LRRTM3: variants seen among roughly 807,000 people sequenced by gnomAD.
LRRTM3 encodes leucine-rich repeat transmembrane neuronal protein 3.
In LRRTM3, 24 loss-of-function variants were observed where a neutral mutation model predicts 44.7. That is an observed-to-expected ratio of 0.54 (90% confidence interval 0.39 to 0.76). The LOEUF is 0.76. Ranked by LOEUF, LRRTM3 falls within the 30% of genes least tolerant of loss-of-function variation. The probability of loss-of-function intolerance (pLI) is 0.00; values close to 1 mark genes in which losing one functional copy is unlikely to be tolerated. For missense variants in LRRTM3, 587 were observed against 702.2 expected, an observed-to-expected ratio of 0.84 and a Z score of 1.85; for synonymous variants, 277 against 278.7, an observed-to-expected ratio of 0.99 and a Z score of 0.06.
intron 2 of LRRTM3, among the ~76,000 whole-genome samples, chr10:66,967,104 G>A (rs955366086): frequency 3.9e-5 from 6 of 152,040 alleles, no homozygotes; most frequent in African/African-American, 7.2e-5. Context: ...CATTAGGAAC[G>A]TTGATGGTTC....
chr10:67,053,107 T>C (rs74141775), intron 2 of LRRTM3, among the ~76,000 whole-genome samples: 1,909 of 152,298 alleles, frequency 0.013, 47 homozygotes, highest in African/African-American at 0.044. Context: ...TAATACTGCT[T>C]TGTAATGGTA....
intron 2 of LRRTM3, among the ~76,000 whole-genome samples, chr10:66,946,861 G>T (rs1848299346): frequency 6.6e-6 from 1 of 151,926 alleles, no homozygotes; most frequent in Admixed American, 6.6e-5. Context: ...CTTTTTTCAT[G>T]TATTCCACAG....
At chr10:67,062,971 T>G (rs1281362531) in intron 2 of LRRTM3, among the ~76,000 whole-genome samples, 1 of 151,948 alleles carries the variant, frequency 6.6e-6, no homozygotes, top group African/African-American at 2.4e-5. Flanking sequence ...GTTAATCGTT[T>G]TGTTTTTTTT....
intron 2 of LRRTM3, among the ~76,000 whole-genome samples, chr10:67,024,244 C>G (rs1853209025): frequency 6.6e-6 from 1 of 152,178 alleles, no homozygotes; most frequent in South Asian, 2.1e-4. Flanking sequence ...AAATTTTTCT[C>G]CTCTCTAGCT....
chr10:67,015,291 A>G (rs1182492678), intron 2 of LRRTM3: 1 of 152,194 alleles, frequency 6.6e-6, no homozygotes, highest in Non-Finnish European at 1.5e-5. Context: ...GATGCTAACC[A>G]TCTTAAATCA....
intron 2 of LRRTM3, among the ~76,000 whole-genome samples, chr10:66,977,643 T>C (rs934318681): frequency 6.6e-6 from 1 of 152,204 alleles, no homozygotes; most frequent in Non-Finnish European, 1.5e-5. Context: ...AATTTGTAGA[T>C]GTAAGCTGGG....
At chr10:67,050,447 G>GA (rs911296774) in intron 2 of LRRTM3, among the ~76,000 whole-genome samples, 4 of 150,934 alleles carry the variant, frequency 2.7e-5, no homozygotes, top group Admixed American at 6.6e-5. Context: ...TATTAGAAAA[G>GA]AAAAAAAAAG....
intron 2 of LRRTM3, among the ~76,000 whole-genome samples, chr10:66,996,516 C>T (rs1664146352): frequency 6.6e-6 from 1 of 151,708 alleles, no homozygotes; most frequent in Non-Finnish European, 1.5e-5. Context: ...GGCGTGGTGG[C>T]GCGTGCCTGT....
At position 66,936,894 on chromosome 10, in the gene LRRTM3, A is replaced by C. The variant is rs1470698518; in HGVS notation, c.1536+8442A>C. 2.0e-5 allele frequency among the ~76,000 whole-genome samples: 3 copies of C among 152,220 alleles called. No individual in the cohort carries two copies. In the East Asian group the frequency reaches 5.8e-4, roughly 29 times the overall value. On this transcript the variant is annotated intron_variant, in intron 2 of 2. Transcript: ENST00000361320. ...ATGAAAGTCTTCAGCTAAAGGTAAG[A>C]AAGTTATATATTAAGAGCAGGCATA...
At chr10:66,993,200 T>C (rs1437369177) in intron 2 of LRRTM3, among the ~76,000 whole-genome samples, 2 of 152,110 alleles carry the variant, frequency 1.3e-5, no homozygotes, top group African/African-American at 4.8e-5. Flanking sequence ...TTTTTCTCCA[T>C]GTGGGTATCT....
At chr10:66,941,208 G>A (rs1364791256) in intron 2 of LRRTM3, among the ~76,000 whole-genome samples, 1 of 152,188 alleles carries the variant, frequency 6.6e-6, no homozygotes, top group Non-Finnish European at 1.5e-5. Context: ...CTTAGAGCCT[G>A]CAGCTGAATG....
intron 2 of LRRTM3, among the ~76,000 whole-genome samples, chr10:67,061,160 G>A (rs1409901988): frequency 6.6e-6 from 1 of 152,162 alleles, no homozygotes; most frequent in African/African-American, 2.4e-5. Context: ...CTTTGAGAGA[G>A]TTATCACCTT....
intron 2 of LRRTM3, among the ~76,000 whole-genome samples, chr10:66,955,340 C>T (rs1228181337): frequency 2.0e-5 from 3 of 152,134 alleles, no homozygotes; most frequent in African/African-American, 7.2e-5. Context: ...TTACTGATTA[C>T]TCACTATGTA....
At chr10:67,015,740 A>AT (rs1489058859) in intron 2 of LRRTM3, among the ~76,000 whole-genome samples, 1 of 151,634 alleles carries the variant, frequency 6.6e-6, no homozygotes, top group African/African-American at 2.4e-5. Flanking sequence ...TTATTGATTC[A>AT]TTTTTTTCTG....
In LRRTM3 at chr10:67,097,680, T is replaced by C. The variant is rs1350326472; in HGVS notation, c.1630T>C (p.Ser544Pro). The change falls in exon 3 of 3, where the codon TCC becomes CCC. Residue 544 changes from serine to proline, a missense_variant. By Grantham distance (74) the Ser-to-Pro change is moderately conservative (BLOSUM62 -1). Transcript: ENST00000361320. ...GCATCATGAACTTCTCTCCCATAAG[T>C]CCTTTGAAACGAATGCACAGGAAGA... ...GVHHELLSHK[S>P]FETNAQEDTM... 1 of 1,612,732 alleles carries C rather than the reference T, an allele frequency of 6.2e-7. No individual in the cohort carries two copies. The highest frequency in any genetic ancestry group is 1.1e-5 in the South Asian group (1 of 91,066).
intron 2 of LRRTM3, among the ~76,000 whole-genome samples, chr10:66,933,545 A>C (rs2132650365): frequency 6.6e-6 from 1 of 152,292 alleles, no homozygotes; most frequent in South Asian, 2.1e-4. Context: ...GCAAAAAGTA[A>C]TTGCATATAA....
At chr10:67,089,717 A>ATGTGTGTG (rs71006125) in intron 2 of LRRTM3, among the ~76,000 whole-genome samples, 23,391 of 144,554 alleles carry the variant, frequency 0.16, 1,913 homozygotes, top group Middle Eastern at 0.24. Context: ...GTATATACAT[A>ATGTGTGTG]TGTGTGTGTG....
At chr10:66,940,779 T>C (rs2132678359) in intron 2 of LRRTM3, among the ~76,000 whole-genome samples, 1 of 152,162 alleles carries the variant, frequency 6.6e-6, no homozygotes, top group Non-Finnish European at 1.5e-5. Context: ...CACTGACTGG[T>C]TTAAACAAAA....
chr10:66,948,990 G>T (rs7099153), intron 2 of LRRTM3, among the ~76,000 whole-genome samples: 41,108 of 151,806 alleles, frequency 0.27, 5,838 homozygotes, highest in Middle Eastern at 0.33. Context: ...TTTTTTCTTT[G>T]CTGTTAAAGC....
Sources: allele counts gnomAD v4.1 joint callset (sites outside exome capture counted in the v4.1 genomes callset), GRCh38; gene constraint gnomAD v4.1.1; transcripts MANE v1.5; gene names NCBI Gene and HGNC (gene_info 2026-07-23, HGNC 2026-07-21).